The following ERBB4 variants were observed in gnomAD, a reference collection of about 807,000 sequenced individuals.
ERBB4 encodes the protein receptor tyrosine-protein kinase erbB-4.
In ERBB4, 42 loss-of-function variants were observed where a neutral mutation model predicts 158.0. The ratio of observed to expected loss-of-function variants is 0.27; its 90% CI spans 0.21 to 0.34. ERBB4 has a LOEUF of 0.34. ERBB4 is among the 10% of genes least tolerant of loss of function. The pLI is 1.00. For synonymous variants in ERBB4, 583 were observed against 558.7 expected, an observed-to-expected ratio of 1.04 and a Z score of -0.61; for missense variants, 1,333 against 1,624.1, an observed-to-expected ratio of 0.82 and a Z score of 3.08.
At chr2:211,901,399 C>T (rs2079231882) in intron 3 of ERBB4, among the ~76,000 whole-genome samples, 1 of 152,152 alleles carries the variant, frequency 6.6e-6, no homozygotes, top group South Asian at 2.1e-4. Context: ...CATGGTGTTA[C>T]ACTGTGTGTG....
At chr2:211,885,741 G>A (rs922020458) in intron 3 of ERBB4, among the ~76,000 whole-genome samples, 9 of 152,186 alleles carry the variant, frequency 5.9e-5, no homozygotes, top group Non-Finnish European at 1.2e-4. Context: ...TTACAGATGT[G>A]AGCCACCGTG....
At chr2:212,511,336 C>CA (rs1207504107) in intron 1 of ERBB4, among the ~76,000 whole-genome samples, 1 of 152,114 alleles carries the variant, frequency 6.6e-6, no homozygotes, top group East Asian at 1.9e-4. Context: ...TTATGAGAAT[C>CA]AAATAGCTTC....
intron 25 of ERBB4, among the ~76,000 whole-genome samples, chr2:211,398,775 A>G (rs1489091689): frequency 2.0e-5 from 3 of 152,162 alleles, no homozygotes; most frequent in East Asian, 3.9e-4. Context: ...AGGTTGCAGT[A>G]AGCCGAGATT....
chr2:211,757,473 CT>C (rs1206495471), intron 4 of ERBB4, among the ~76,000 whole-genome samples: 1 of 152,168 alleles, frequency 6.6e-6, no homozygotes. Flanking sequence ...CCTTGCTAAA[CT>C]TGATGTTTTT....
intron 25 of ERBB4, among the ~76,000 whole-genome samples, chr2:211,405,212 A>G (rs757562185): frequency 6.6e-6 from 1 of 152,114 alleles, no homozygotes; most frequent in Non-Finnish European, 1.5e-5. Context: ...CTATGTTGCC[A>G]TATCACTAAA....
chr2:212,185,466 A>G (rs1163594499), intron 1 of ERBB4, among the ~76,000 whole-genome samples: 1 of 152,144 alleles, frequency 6.6e-6, no homozygotes, highest in Middle Eastern at 3.2e-3. Flanking sequence ...ACGTGCAATT[A>G]AAATATAAAT....
chr2:211,914,255 CT>C lies in ERBB4; in HGVS notation c.421+33174del, dbSNP rs781398661. On this transcript the variant is annotated intron_variant, in intron 3 of 27. Coordinates refer to ENST00000342788, the MANE Select transcript of ERBB4 (RefSeq NM_005235.3). Reference sequence around the variant, plus strand: ...TATGCAAAGACTATAACATATTTTTCTTTTTTTTTTTTCAAACAAACATCAG... The same window carrying C: ...TATGCAAAGACTATAACATATTTTTCTTTTTTTTTTTCAAACAAACATCAG... Among the ~76,000 whole-genome samples, 995 of 144,992 alleles carry C rather than the reference CT, an allele frequency of 6.9e-3. 11 individuals carry two copies. Among genetic ancestry groups the C allele is most frequent in the African/African-American group, 0.021 (853 of 39,872 alleles).
At chr2:211,531,132 C>T (rs2066488761) in intron 20 of ERBB4, among the ~76,000 whole-genome samples, 1 of 152,016 alleles carries the variant, frequency 6.6e-6, no homozygotes, top group African/African-American at 2.4e-5. Flanking sequence ...TTAAACTAGA[C>T]CCTATCTCTT....
At chr2:212,517,776 A>G (rs1262672750) in intron 1 of ERBB4, among the ~76,000 whole-genome samples, 2 of 152,058 alleles carry the variant, frequency 1.3e-5, no homozygotes, top group African/African-American at 4.8e-5. Flanking sequence ...GTTATATAGC[A>G]TTATCTCACT....
intron 1 of ERBB4, among the ~76,000 whole-genome samples, chr2:212,437,983 T>C (rs1174941109): frequency 6.6e-6 from 1 of 152,114 alleles, no homozygotes; most frequent in Admixed American, 6.6e-5. Flanking sequence ...CATAGTATCC[T>C]GGGCATAAAT....
chr2:212,233,587 A>G (rs1313762927), intron 1 of ERBB4, among the ~76,000 whole-genome samples: 1 of 152,150 alleles, frequency 6.6e-6, no homozygotes, highest in African/African-American at 2.4e-5. Context: ...CAGATTTATC[A>G]TTATCACACG....
In ERBB4 at chr2:211,661,994, C is replaced by G. The variant is rs1188221478; in HGVS notation, c.1871+3329G>C. On this transcript the variant is annotated intron_variant, in intron 15 of 27. Transcript: ENST00000342788. ...GCGGAGCTTGCAGTGAGCCGAGATC[C>G]CGCCACTGCACTCCAGCCTGGGCGA... Among the ~76,000 whole-genome samples the G allele has an allele frequency of 6.7e-5, 8 of 119,148 alleles. No homozygotes were observed. In the East Asian group the frequency reaches 9.3e-4, roughly 14 times the overall value. The allele number at this position is 119,148 out of a possible 152,430, so 78.2% of individuals were successfully genotyped here. A position where few individuals can be genotyped will look rare whatever the true frequency, so the allele number is the denominator to read the frequency against.
chr2:211,617,962 T>C (rs901843127), intron 19 of ERBB4, among the ~76,000 whole-genome samples: 1 of 152,060 alleles, frequency 6.6e-6, no homozygotes, highest in African/African-American at 2.4e-5. Context: ...AATAACGGCA[T>C]GATAAATACA....
At chr2:212,116,266 G>C (rs1046770980) in intron 2 of ERBB4, among the ~76,000 whole-genome samples, 1 of 151,366 alleles carries the variant, frequency 6.6e-6, no homozygotes, top group Non-Finnish European at 1.5e-5. Context: ...ATAAATACTA[G>C]TCTATTTATA....
At chr2:211,706,015 C>T (rs994369739) in intron 9 of ERBB4, among the ~76,000 whole-genome samples, 3 of 152,042 alleles carry the variant, frequency 2.0e-5, no homozygotes, top group African/African-American at 7.2e-5. Context: ...GAACTATTCG[C>T]TTCCAAGTAT....
intron 1 of ERBB4, among the ~76,000 whole-genome samples, chr2:212,352,967 A>G (rs1240307348): frequency 6.6e-6 from 1 of 152,090 alleles, no homozygotes; most frequent in African/African-American, 2.4e-5. Context: ...ATCACTCTAA[A>G]CCAACGAAAA....
chr2:211,999,019 ATTATT>A (rs1254187034), intron 2 of ERBB4, among the ~76,000 whole-genome samples: 18 of 151,736 alleles, frequency 1.2e-4, no homozygotes, highest in Admixed American at 1.2e-3. Context: ...AAATATTTTT[ATTATT>A]TTATTTCTTA....
chr2:211,944,995 C>T (rs1158939246), intron 3 of ERBB4, among the ~76,000 whole-genome samples: 3 of 152,140 alleles, frequency 2.0e-5, no homozygotes, highest in Non-Finnish European at 4.4e-5. Flanking sequence ...AGTAGCTCTG[C>T]ACTTAATAGA....
Position 212,216,765 on chromosome 2 carries a change from A to T in ERBB4, c.83-91862T>A, listed in dbSNP as rs116570655. Among the ~76,000 whole-genome samples, 617 of 151,464 alleles carry T rather than the reference A, an allele frequency of 4.1e-3. 7 individuals are homozygous for T. Among genetic ancestry groups the T allele is most frequent in the Non-Finnish European group, 7.6e-3 (513 of 67,484 alleles). The stretch of plus-strand genomic sequence containing the variant: ...CAACATAGCAGATTATATACATAAC[A>T]TGTTGCCCGGGGCTCACTCAGATAT... On this transcript the variant is annotated intron_variant, in intron 1 of 27. Coordinates refer to ENST00000342788, the MANE Select transcript of ERBB4 (RefSeq NM_005235.3).
Sources: allele counts gnomAD v4.1 joint callset (sites outside exome capture counted in the v4.1 genomes callset), GRCh38; gene constraint gnomAD v4.1.1; transcripts MANE v1.5; gene names NCBI Gene and HGNC (gene_info 2026-07-23, HGNC 2026-07-21).